The following MIS18BP1 variants were observed in gnomAD, a reference collection of about 807,000 sequenced individuals.
MIS18BP1 encodes the protein mis18-binding protein 1.
MIS18BP1 carries 72 observed loss-of-function variants against 116.1 expected under a neutral mutation model. That is an observed-to-expected ratio of 0.62 (90% CI 0.51 to 0.75). MIS18BP1 has a LOEUF of 0.75. Ranked by LOEUF, MIS18BP1 falls within the 30% of genes least tolerant of loss-of-function variation. The pLI is 0.00. For synonymous variants in MIS18BP1, 386 were observed against 427.0 expected (o/e 0.90, Z 1.18); for missense variants, 1,363 against 1,303.2 (o/e 1.05, Z -0.71).
intron 2 of MIS18BP1, among the ~76,000 whole-genome samples, 173 bp from the exon 3 acceptor site, chr14:45,243,047 A>G (rs565963918): frequency 6.6e-6 from 1 of 152,276 alleles, no homozygotes; most frequent in Non-Finnish European, 1.5e-5. Flanking sequence ...TGGCTGTATT[A>G]TCTTCTCATA....
chr14:45,239,074 T>A (rs550488233), intron 4 of MIS18BP1, among the ~76,000 whole-genome samples: 1 of 152,228 alleles, frequency 6.6e-6, no homozygotes, highest in African/African-American at 2.4e-5. Context: ...ACCAGTCAGA[T>A]GGAGATAATA....
Position 45,217,149 on chromosome 14 carries a change from G to A in MIS18BP1, c.2873C>T (p.Thr958Ile). 6.2e-7 allele frequency: 1 copy of A among 1,614,058 alleles called. No individual in the cohort carries two copies. The highest frequency in any genetic ancestry group is 1.1e-5 in the South Asian group (1 of 91,080). Residue 958 changes from threonine (T) to isoleucine (I), a missense_variant, in exon 13 of 17, where the codon ACT becomes ATT. Coordinates refer to ENST00000310806, the MANE Select transcript of MIS18BP1 (RefSeq NM_018353.5). ...TCCCACTTTGGCAGTTATCTTAATA[G>A]TTTGTTTCTGATCAGCATCACCTCT... ...GKRGDADQKQ[T>I]IKITAKVGTL...
intron 11 of MIS18BP1, among the ~76,000 whole-genome samples, chr14:45,220,933 G>A (rs140605268): frequency 0.017 from 2,527 of 152,112 alleles, 80 homozygotes; most frequent in African/African-American, 0.057. Flanking sequence ...TCAGGAGTTC[G>A]AGACCAGCCT....
At chr14:45,252,958 G>A (rs1190793753) in intron 1 of MIS18BP1, 77 bp downstream of exon 1, 3 of 152,260 alleles carry the variant, frequency 2.0e-5, no homozygotes, top group Admixed American at 1.3e-4. Context: ...CGTGAGCCGA[G>A]ATGCTTAAAG....
intron 14 of MIS18BP1, among the ~76,000 whole-genome samples, chr14:45,208,051 C>T (rs374310389): frequency 3.3e-5 from 5 of 152,102 alleles, no homozygotes; most frequent in Admixed American, 6.6e-5. Context: ...TCCTTCCTTA[C>T]GAATTTGTTA....
Position 45,204,086 on chromosome 14 carries a change from A to C in MIS18BP1, c.*23T>G. 6.2e-7 allele frequency: 1 copy of C among 1,603,856 alleles called. No individual in the cohort carries two copies. Among genetic ancestry groups the C allele is most frequent in the Non-Finnish European group, 8.5e-7 (1 of 1,176,538 alleles). On this transcript the variant is annotated 3_prime_UTR_variant, in exon 17 of 17. Transcript: ENST00000310806. ...CTGTCTGCTTTATGGTAAAAATCCC[A>C]GGAATCATATTTTCTCATTTTACTA... is the stretch of plus-strand genomic sequence containing the variant.
intron 1 of MIS18BP1, among the ~76,000 whole-genome samples, chr14:45,251,430 T>C (rs1160220710): frequency 6.6e-6 from 1 of 152,126 alleles, no homozygotes; most frequent in Non-Finnish European, 1.5e-5. Context: ...GCTAAACAAT[T>C]ATGTATATGA....
At chr14:45,217,438 T>G (rs1430758740) in intron 12 of MIS18BP1, among the ~76,000 whole-genome samples, 1 of 151,862 alleles carries the variant, frequency 6.6e-6, no homozygotes, top group Non-Finnish European at 1.5e-5. Context: ...AATACAGATA[T>G]AGATAAAGCA....
At chr14:45,225,974 G>A (rs919316700) in intron 10 of MIS18BP1, among the ~76,000 whole-genome samples, 4 of 152,180 alleles carry the variant, frequency 2.6e-5, no homozygotes, top group Middle Eastern at 3.4e-3. Context: ...TTTAGAAAGT[G>A]TCTACAAGAT....
At chr14:45,223,066 A>AAAAAC (rs79248229) in intron 11 of MIS18BP1, among the ~76,000 whole-genome samples, 6,669 of 151,978 alleles carry the variant, frequency 0.044, 178 homozygotes, top group Admixed American at 0.059. Context: ...GAGAAAAGAC[A>AAAAAC]AAAACAAAAC....
At chr14:45,217,280 T>TA (rs201349776) in intron 12 of MIS18BP1, 101 bp from the exon 13 acceptor site, 2,016 of 1,373,466 alleles carry the variant, frequency 1.5e-3, no homozygotes, top group East Asian at 5.8e-3. Flanking sequence ...GCATTCATGT[T>TA]AAAAAAAAAC....
At chr14:45,215,778 C>T (rs1594503645) in intron 13 of MIS18BP1, among the ~76,000 whole-genome samples, 1 of 149,966 alleles carries the variant, frequency 6.7e-6, no homozygotes, top group South Asian at 2.1e-4. Context: ...CATCTCAGCT[C>T]ACTGCAAGCT....
intron 2 of MIS18BP1, among the ~76,000 whole-genome samples, chr14:45,245,084 C>T (rs1181558359): frequency 6.6e-6 from 1 of 152,204 alleles, no homozygotes; most frequent in African/African-American, 2.4e-5. Flanking sequence ...TGTCTATGTT[C>T]ACTATTGCCA....
At chr14:45,209,625 T>C (rs1226062493) in intron 14 of MIS18BP1, among the ~76,000 whole-genome samples, 1 of 152,188 alleles carries the variant, frequency 6.6e-6, no homozygotes, top group Non-Finnish European at 1.5e-5. Flanking sequence ...GGCTCTTCAT[T>C]AATTTCTATG....
intron 14 of MIS18BP1, 99 bp downstream of exon 14, chr14:45,210,281 C>G (rs372541655): frequency 5.7e-6 from 7 of 1,217,794 alleles, no homozygotes; most frequent in East Asian, 4.9e-5. Context: ...TAAATAATGC[C>G]TCTTCCCATT....
chr14:45,212,353 C>T (rs556292360), intron 13 of MIS18BP1, among the ~76,000 whole-genome samples: 53 of 152,268 alleles, frequency 3.5e-4, no homozygotes, highest in African/African-American at 1.2e-3. Context: ...CCGTTAGCTT[C>T]CTCCAGCTGG....
rs1209514638 is a variant in MIS18BP1, at chr14:45,227,803, T to C, written c.1606A>G (p.Asn536Asp). 1 of 1,613,852 alleles carries C rather than the reference T, an allele frequency of 6.2e-7. No homozygotes were observed. Among genetic ancestry groups the C allele is most frequent in the Non-Finnish European group, 8.5e-7 (1 of 1,179,770 alleles). ...GCTCCTGGTGACTCACTGTGCTTAT[T>C]ACTCTTCAGTTCTATGAATACAAAG... ...FDCDNLELKS[N>D]KHSESPGATE... is the part of the protein sequence containing the mutation. Residue 536 changes from asparagine (N) to aspartate (D), a missense_variant, in exon 9 of 17, where the codon AAT becomes GAT. By Grantham distance (23) the Asn-to-Asp change is conservative. Transcript: ENST00000310806.
intron 2 of MIS18BP1, among the ~76,000 whole-genome samples, chr14:45,245,355 CTT>C (rs1364006054): frequency 6.6e-6 from 1 of 151,928 alleles, no homozygotes; most frequent in African/African-American, 2.4e-5. Context: ...CCTTTCTACT[CTT>C]TTCTTTTTTA....
At chr14:45,218,491 T>A in intron 11 of MIS18BP1, 37 bp from the exon 12 acceptor site, 1 of 1,551,850 alleles carries the variant, frequency 6.4e-7, no homozygotes, top group East Asian at 2.3e-5. Flanking sequence ...AATAAGAAAT[T>A]CAAACCAATG....
Sources: allele counts gnomAD v4.1 joint callset (sites outside exome capture counted in the v4.1 genomes callset), GRCh38; gene constraint gnomAD v4.1.1; transcripts MANE v1.5; gene names NCBI Gene and HGNC (gene_info 2026-07-23, HGNC 2026-07-21).